Variants in MX2 observed in about 807,000 individuals in gnomAD.
MX2 encodes interferon-induced GTP-binding protein Mx2.
A neutral mutation model predicts 74.0 loss-of-function variants in MX2; 51 were observed. That is an observed-to-expected ratio of 0.69 (90% CI 0.55 to 0.87). The LOEUF is 0.87. MX2 is among the 40% of genes least tolerant of loss of function. The probability of loss-of-function intolerance (pLI) is 0.00; values close to 1 mark genes in which losing one functional copy is unlikely to be tolerated. For synonymous variants in MX2, 369 were observed against 339.3 expected, an observed-to-expected ratio of 1.09 and a Z score of -0.96; for missense variants, 832 against 908.7, an observed-to-expected ratio of 0.92 and a Z score of 1.09.
At chr21:41,383,462 G>A (rs941259640) in intron 5 of MX2, among the ~76,000 whole-genome samples, 1 of 152,242 alleles carries the variant, frequency 6.6e-6, no homozygotes, top group Non-Finnish European at 1.5e-5. Context: ...TACCCTGTTT[G>A]GGTTAGGCCA....
intron 1 of MX2, among the ~76,000 whole-genome samples, chr21:41,375,308 C>G (rs75556465): frequency 2.0e-3 from 311 of 152,376 alleles, no homozygotes; most frequent in African/African-American, 7.1e-3. Flanking sequence ...ACAATAACCA[C>G]GTGGTGGAAA....
chr21:41,378,037 A>G, intron 3 of MX2, 56 bp downstream of exon 3: 1 of 1,562,178 alleles, frequency 6.4e-7, no homozygotes, highest in East Asian at 2.3e-5. Context: ...TGTAAGCCAC[A>G]AAGCTTCCCC....
At chr21:41,389,776 G>A (rs1376650972) in intron 5 of MX2, 2 of 152,016 alleles carry the variant, frequency 1.3e-5, no homozygotes, top group East Asian at 3.8e-4. Context: ...TAATTATATG[G>A]GGCACTGTCT....
intron 5 of MX2, among the ~76,000 whole-genome samples, chr21:41,389,272 T>C (rs1248631963): frequency 6.6e-6 from 1 of 151,608 alleles, no homozygotes; most frequent in African/African-American, 2.4e-5. Flanking sequence ...CCCAGCACTT[T>C]GGGAGGCCGA....
chr21:41,399,468 C>A, intron 10 of MX2, 131 bp downstream of exon 10: 1 of 1,013,908 alleles, frequency 9.9e-7, no homozygotes, highest in Non-Finnish European at 1.4e-6. Context: ...TGGTAATCAG[C>A]AACTGTCTCT....
intron 7 of MX2, 67 bp from the exon 8 acceptor site, chr21:41,397,546 A>G (rs1023236054): frequency 2.7e-6 from 4 of 1,467,516 alleles, no homozygotes; most frequent in African/African-American, 2.8e-5. Context: ...TACCACGCAC[A>G]AAGTCCGGTA....
At chr21:41,397,859 T>A (rs1213506589) in intron 8 of MX2, among the ~76,000 whole-genome samples, 168 bp downstream of exon 8, 1 of 152,114 alleles carries the variant, frequency 6.6e-6, no homozygotes, top group African/African-American at 2.4e-5. Flanking sequence ...ACTTCCAAAT[T>A]GGGGAAGCAA....
At chr21:41,405,934 C>G (rs1432820932) in intron 12 of MX2, among the ~76,000 whole-genome samples, 1 of 151,434 alleles carries the variant, frequency 6.6e-6, no homozygotes, top group Non-Finnish European at 1.5e-5. Context: ...AAACTCCTGA[C>G]CTCAGGTGAC....
intron 10 of MX2, chr21:41,401,703 C>A: frequency 4.0e-6 from 1 of 250,534 alleles, no homozygotes; most frequent in Non-Finnish European, 7.5e-6. Flanking sequence ...TTTTTTCCTA[C>A]CAGTTAGAAA....
chr21:41,398,026 C>G (rs893343402), intron 8 of MX2, among the ~76,000 whole-genome samples: 2 of 152,072 alleles, frequency 1.3e-5, no homozygotes, highest in Non-Finnish European at 2.9e-5. Context: ...AAAAATTTTT[C>G]TTGCCAGGCA....
chr21:41,402,196 A>C lies in MX2; in HGVS notation c.1573+68A>C. 1 of 1,526,588 alleles carries C rather than the reference A, an allele frequency of 6.6e-7. No individual in the cohort carries two copies. Among genetic ancestry groups the C allele is most frequent in the South Asian group, 1.3e-5 (1 of 79,230 alleles). The allele number at this position is 1,526,588 out of a possible 1,614,324, so 94.6% of individuals were successfully genotyped here. On this transcript the variant is annotated intron_variant, in intron 11 of 13. Transcript: ENST00000330714. This position sits in a 1 kb window ranked among gnomAD's most constrained non-coding sequence, Gnocchi z 4.5. ...CCTTCCATAGACCCCAGTGCCTTGGAGGGAGAGATTGGAATGGAGTTACCA... is the reference window on the plus strand; with the variant it reads ...CCTTCCATAGACCCCAGTGCCTTGGCGGGAGAGATTGGAATGGAGTTACCA...
At chr21:41,381,424 G>A (rs2089489913) in intron 4 of MX2, among the ~76,000 whole-genome samples, 2 of 152,194 alleles carry the variant, frequency 1.3e-5, no homozygotes, top group East Asian at 1.9e-4. Flanking sequence ...GGTGGCTCAA[G>A]CCTGTAATCC....
rs556918960 is a variant in MX2 at position 41,407,334 on chromosome 21, C to T, written c.1905+336C>T. 3.3e-5 allele frequency among the ~76,000 whole-genome samples: 5 copies of T among 152,240 alleles called. No homozygotes were observed. In the East Asian group the frequency reaches 5.8e-4, roughly 18 times the overall value. On this transcript the variant is annotated intron_variant, in intron 13 of 13. Transcript: ENST00000330714. ...TCAGAATACAGCAAAATACAACAAA[C>T]GTCAACGATTGTGACTATAAACTAG...
rs145381020 is a variant in MX2, at chr21:41,377,389, T to C, written c.249+234T>C. Among the ~76,000 whole-genome samples the C allele has an allele frequency of 6.2e-3, 937 of 152,272 alleles. 15 individuals carry two copies. The highest frequency in any genetic ancestry group is 0.021 in the African/African-American group (868 of 41,544). ...CTTCTGTGTGCGGGGGTCCCCTTCC[T>C]GGAGCTTTTCTTTCAGCCTCCCCTG... On this transcript the variant is annotated intron_variant, in intron 2 of 13. Transcript: ENST00000330714.
At chr21:41,394,155 T>C (rs527736310) in intron 6 of MX2, among the ~76,000 whole-genome samples, 16 of 152,286 alleles carry the variant, frequency 1.1e-4, no homozygotes, top group Admixed American at 9.8e-4. Flanking sequence ...GTCAATCGGG[T>C]CATGCCCCTC....
chr21:41,403,711 C>G, intron 12 of MX2: 1 of 485,844 alleles, frequency 2.1e-6, no homozygotes, highest in South Asian at 1.5e-5. Flanking sequence ...ATGTTTGACT[C>G]AAAGATGTTG....
rs1398911711 is a variant in MX2 at position 41,380,686 on chromosome 21, C to G, written c.577+535C>G. The stretch of plus-strand genomic sequence containing the variant: ...CCAGCACCCCCTCCAAATGCAGACC[C>G]CTCTCACCCAGCTGTGGAACAAGTT... On this transcript the variant is annotated intron_variant, in intron 4 of 13. Coordinates refer to ENST00000330714, the MANE Select transcript of MX2 (RefSeq NM_002463.2). The surrounding 1 kb of genome is among the most constrained non-coding windows in gnomAD (Gnocchi z 4.3). 1.3e-5 allele frequency among the ~76,000 whole-genome samples: 2 copies of G among 152,200 alleles called. No individual in the cohort carries two copies. Among genetic ancestry groups the G allele is most frequent in the East Asian group, 1.9e-4 (1 of 5,196 alleles).
intron 1 of MX2, among the ~76,000 whole-genome samples, chr21:41,373,435 TC>T (rs2089352566): frequency 6.6e-6 from 1 of 151,880 alleles, no homozygotes; most frequent in Non-Finnish European, 1.5e-5. Context: ...GTGGGAGCGG[TC>T]ATTAGGATGA....
chr21:41,391,659 G>A (rs757632086), intron 6 of MX2, among the ~76,000 whole-genome samples: 29 of 152,198 alleles, frequency 1.9e-4, no homozygotes, highest in Middle Eastern at 6.8e-3. Context: ...TGGGATTACA[G>A]GTGTGAACCA....
Sources: gnomAD v4.1 joint callset for allele counts (sites outside exome capture counted in the v4.1 genomes callset) on GRCh38, gnomAD v4.1.1 for gene constraint, Gnocchi (gnomAD v3.1) non-coding constraint, MANE v1.5 for transcripts, NCBI Gene and HGNC (gene_info 2026-07-23, HGNC 2026-07-21) for gene names.